The following CCDC77 variants were observed in gnomAD, a reference collection of about 807,000 sequenced individuals.
The protein encoded by CCDC77 is coiled-coil domain containing 77.
CCDC77 carries 56 observed loss-of-function variants against 66.8 expected under a neutral mutation model. That is an observed-to-expected ratio of 0.84 (90% CI 0.68 to 1.05). CCDC77 has a LOEUF of 1.05. Among genes scored for constraint, CCDC77 ranks in the 50% least tolerant of loss-of-function variants. CCDC77 has a pLI of 0.00. For missense variants in CCDC77, 570 were observed against 576.8 expected (o/e 0.99, Z 0.12); for synonymous variants, 196 against 195.2 (o/e 1.00, Z -0.03).
chr12:418,658 A>G (rs868756859), intron 5 of CCDC77, 22 bp downstream of exon 5: 3 of 1,604,830 alleles, frequency 1.9e-6, no homozygotes, highest in Admixed American at 1.7e-5. Flanking sequence ...GAGAAGGGAA[A>G]TGTTGGAGTT....
At chr12:441,494 C>A (rs78176045) in intron 12 of CCDC77, among the ~76,000 whole-genome samples, 1 of 152,168 alleles carries the variant, frequency 6.6e-6, no homozygotes, top group Non-Finnish European at 1.5e-5. Flanking sequence ...GACAAACTTA[C>A]CAGTAGTGTC....
chr12:425,587 C>T (rs1354952445), intron 5 of CCDC77, among the ~76,000 whole-genome samples: 1 of 151,880 alleles, frequency 6.6e-6, no homozygotes, highest in South Asian at 2.1e-4. Flanking sequence ...AGTCTCCTTT[C>T]GGGCATTGTG....
At chr12:441,620 T>C (rs776648289) in intron 12 of CCDC77, among the ~76,000 whole-genome samples, 154 bp from the exon 13 acceptor site, 23 of 152,342 alleles carry the variant, frequency 1.5e-4, no homozygotes, top group Middle Eastern at 6.8e-3. Flanking sequence ...ACATTTTCCT[T>C]CTTTAGTTAG....
At chr12:416,344 G>GTGT (rs1945263435) in intron 4 of CCDC77, among the ~76,000 whole-genome samples, 2 of 37,092 alleles carry the variant, frequency 5.4e-5, no homozygotes, top group African/African-American at 9.2e-5. Flanking sequence ...GGTGTGTGGG[G>GTGT]GTGTGTGTGT....
chr12:399,089 T>C (rs1246540261), upstream of CCDC77, among the ~76,000 whole-genome samples: 2 of 152,036 alleles, frequency 1.3e-5, no homozygotes, highest in Non-Finnish European at 2.9e-5. Flanking sequence ...AGAATGGTGG[T>C]GAGTCCTTTC....
At chr12:424,234 G>T (rs1414602851) in intron 5 of CCDC77, among the ~76,000 whole-genome samples, 1 of 152,162 alleles carries the variant, frequency 6.6e-6, no homozygotes, top group Non-Finnish European at 1.5e-5. Flanking sequence ...CTCCCAAAGT[G>T]CTGGGATTAT....
intron 4 of CCDC77, among the ~76,000 whole-genome samples, chr12:416,294 G>A (rs1022537305): frequency 7.1e-6 from 1 of 140,556 alleles, no homozygotes; most frequent in Non-Finnish European, 1.5e-5. Context: ...CAGTTGAGTA[G>A]TGTTAAGTGT....
In CCDC77 at chr12:430,732, A is replaced by G. The variant is rs1945633725; in HGVS notation, c.579A>G (p.Lys193=). The change falls in exon 7 of 13, where the codon AAA becomes AAG. Residue 193 remains lysine, a synonymous_variant. Coordinates refer to ENST00000239830, the MANE Select transcript of CCDC77 (RefSeq NM_032358.4). ...AGCAGAGTGAATCTTCAGCTTTCAA[A>G]GCAGGTAACAACCATATAACCTATT... ...ECEQSESSAF[K]ADPKISKRRP... is the part of the protein sequence containing the mutation. The G allele has an allele frequency of 1.2e-6, 2 of 1,610,002 alleles. No homozygotes were observed. Among genetic ancestry groups the G allele is most frequent in the Non-Finnish European group, 1.7e-6 (2 of 1,176,222 alleles).
intron 4 of CCDC77, among the ~76,000 whole-genome samples, 174 bp from the exon 5 acceptor site, chr12:418,320 A>G (rs1945324766): frequency 6.6e-6 from 1 of 152,096 alleles, no homozygotes. Context: ...CTCAATAAAT[A>G]AAAAAACAAA....
rs1282823530 is a variant in CCDC77 at position 442,190 on chromosome 12, G to T, written c.*270G>T. ...GAGGCTTTCATTATTTATCCTGTCT[G>T]TATTGACCGGTTTTTGTTTTTTCAG... On this transcript the variant is annotated 3_prime_UTR_variant, in exon 13 of 13. Coordinates refer to ENST00000239830, the MANE Select transcript of CCDC77 (RefSeq NM_032358.4). The T allele has an allele frequency of 2.8e-5, 8 of 290,654 alleles. No individual in the cohort carries two copies. The South Asian group carries it at 5.9e-4, about 21-fold the overall frequency. 18.0% of individuals were successfully genotyped at this position (290,654 alleles called of 1,614,324 possible).
At chr12:419,092 C>G (rs1041980566) in intron 5 of CCDC77, among the ~76,000 whole-genome samples, 1 of 152,170 alleles carries the variant, frequency 6.6e-6, no homozygotes, top group Non-Finnish European at 1.5e-5. Context: ...GATTTGCCTT[C>G]ACGGTAGTTA....
chr12:413,558 T>A (rs1945159278), intron 4 of CCDC77, among the ~76,000 whole-genome samples: 1 of 148,838 alleles, frequency 6.7e-6, no homozygotes, highest in Non-Finnish European at 1.5e-5. Context: ...ACTCTTTTTA[T>A]ATAAATGGCT....
chr12:433,121 A>T, intron 8 of CCDC77, 53 bp from the exon 9 acceptor site: 1 of 1,554,458 alleles, frequency 6.4e-7, no homozygotes, highest in Non-Finnish European at 8.7e-7. Context: ...TCCTAGAGGT[A>T]TGAAGTAAGT....
chr12:423,777 G>A (rs1436110817), intron 5 of CCDC77, among the ~76,000 whole-genome samples: 1 of 151,980 alleles, frequency 6.6e-6, no homozygotes, highest in Non-Finnish European at 1.5e-5. Context: ...GATTACAGGC[G>A]TGAGCCACTG....
intron 10 of CCDC77, among the ~76,000 whole-genome samples, chr12:439,890 A>T (rs759859727): frequency 2.0e-5 from 3 of 152,214 alleles, no homozygotes; most frequent in Non-Finnish European, 2.9e-5. Context: ...TAATAGAAGG[A>T]ATGCACAGGG....
At chr12:427,046 A>G (rs1591985174) in intron 5 of CCDC77, among the ~76,000 whole-genome samples, 1 of 152,118 alleles carries the variant, frequency 6.6e-6, no homozygotes, top group Non-Finnish European at 1.5e-5. Context: ...GGAGTTCAAG[A>G]CCAGCCTGGC....
intron 3 of CCDC77, among the ~76,000 whole-genome samples, chr12:410,284 T>C (rs1945081519): frequency 6.6e-6 from 1 of 152,054 alleles, no homozygotes; most frequent in Non-Finnish European, 1.5e-5. Context: ...TTTTGTTTTT[T>C]GAGATGGAGT....
chr12:433,261 C>T lies in CCDC77; in HGVS notation c.760C>T (p.Leu254Phe), dbSNP rs1253120074. Residue 254 changes from leucine (L) to phenylalanine (F), a missense_variant, in exon 9 of 13, where the codon CTT (leucine) becomes TTT (phenylalanine). Leu to Phe is a conservative substitution (Grantham distance 22). Transcript: ENST00000239830. ...EGLIEDRRIH[L>F]EEIQVQHQRN... ...GCTCATCGAGGACAGACGGATTCACCTTGAGGAAATACAAGTTCAGCACCA... is the reference window on the plus strand; with the variant it reads ...GCTCATCGAGGACAGACGGATTCACTTTGAGGAAATACAAGTTCAGCACCA... 6.2e-7 allele frequency: 1 copy of T among 1,613,940 alleles called. No homozygotes were observed. The highest frequency in any genetic ancestry group is 8.5e-7 in the Non-Finnish European group (1 of 1,180,004).
chr12:418,792 T>C, intron 5 of CCDC77, 156 bp downstream of exon 5: 1 of 709,748 alleles, frequency 1.4e-6, no homozygotes. Context: ...CTCCACCTCC[T>C]GGTTCCAGCG....
Sources: gnomAD v4.1 joint callset for allele counts (sites outside exome capture counted in the v4.1 genomes callset) on GRCh38, gnomAD v4.1.1 for gene constraint, MANE v1.5 for transcripts, NCBI Gene and HGNC (gene_info 2026-07-23, HGNC 2026-07-21) for gene names.